CHRDL2: variants seen among roughly 807,000 people sequenced by gnomAD.
CHRDL2 encodes the protein chordin-like protein 2.
A neutral mutation model predicts 54.3 loss-of-function variants in CHRDL2; 41 were observed. That is an observed-to-expected ratio of 0.76 (90% CI 0.59 to 0.98). The LOEUF (loss-of-function observed/expected upper bound fraction) is 0.98. CHRDL2 is among the 50% of genes least tolerant of loss of function. The pLI, the probability that CHRDL2 is intolerant of heterozygous loss-of-function variation, is 0.00. For missense variants in CHRDL2, 518 were observed against 562.4 expected (o/e 0.92, Z 0.80); for synonymous variants, 220 against 224.3 (o/e 0.98, Z 0.17).
chr11:74,719,167 A>C (rs960071174), intron 1 of CHRDL2: 2 of 201,374 alleles, frequency 9.9e-6, no homozygotes, highest in Non-Finnish European at 2.0e-5. Context: ...TAGACAAATG[A>C]GGCCCAGAGA....
intron 9 of CHRDL2, chr11:74,698,721 A>ACACCCC (rs1491382541): frequency 8.6e-5 from 7 of 81,756 alleles, no homozygotes; most frequent in Non-Finnish European, 1.7e-4. Flanking sequence ...ACACACACAC[A>ACACCCC]CCCCACATAC....
At chr11:74,714,156 T>G (rs1468259813) in intron 2 of CHRDL2, among the ~76,000 whole-genome samples, 1 of 152,114 alleles carries the variant, frequency 6.6e-6, no homozygotes, top group Non-Finnish European at 1.5e-5. Context: ...AGGCAGTTTT[T>G]TTTTTGGCCC....
intron 9 of CHRDL2, chr11:74,701,693 T>A: frequency 1.5e-6 from 1 of 684,048 alleles, no homozygotes; most frequent in Admixed American, 2.1e-5. Flanking sequence ...TCGTTGAGGA[T>A]CAAATGAGAT....
chr11:74,711,103 T>A (rs1469592911), intron 3 of CHRDL2, 112 bp from the exon 4 acceptor site: 1 of 1,249,450 alleles, frequency 8.0e-7, no homozygotes. Flanking sequence ...CAGCTTGATA[T>A]TTAAACCAAG....
intron 2 of CHRDL2, among the ~76,000 whole-genome samples, chr11:74,717,516 T>C (rs1049031064): frequency 1.3e-5 from 2 of 152,072 alleles, no homozygotes; most frequent in African/African-American, 4.8e-5. Context: ...GGGGAGGCAG[T>C]CATGGTGGGG....
intron 1 of CHRDL2, among the ~76,000 whole-genome samples, chr11:74,725,524 A>G (rs1565159881): frequency 6.6e-6 from 1 of 152,254 alleles, no homozygotes; most frequent in Admixed American, 6.5e-5. Flanking sequence ...ATCTTCACGC[A>G]TAAGTCAAAA....
At chr11:74,721,930 A>G (rs890480504) in intron 1 of CHRDL2, among the ~76,000 whole-genome samples, 1 of 152,238 alleles carries the variant, frequency 6.6e-6, no homozygotes, top group African/African-American at 2.4e-5. Flanking sequence ...CCATGTTTCT[A>G]AGAACCTGTC....
intron 2 of CHRDL2, 53 bp from the exon 3 acceptor site, chr11:74,713,532 T>G: frequency 2.1e-6 from 3 of 1,440,086 alleles, no homozygotes; most frequent in Non-Finnish European, 2.9e-6. Context: ...GTCTTCCACC[T>G]GTACCTGTCC....
At chr11:74,698,505 C>T (rs2033681212) in intron 9 of CHRDL2, 1 of 152,288 alleles carries the variant, frequency 6.6e-6, no homozygotes, top group South Asian at 2.1e-4. Context: ...GTGATTGTGC[C>T]TGTTTCTAAT....
At chr11:74,700,766 G>T (rs2033781762) in intron 9 of CHRDL2, among the ~76,000 whole-genome samples, 1 of 151,562 alleles carries the variant, frequency 6.6e-6, no homozygotes, top group Non-Finnish European at 1.5e-5. Flanking sequence ...CTGAGTAGCT[G>T]GGATTACAGG....
intron 9 of CHRDL2, among the ~76,000 whole-genome samples, chr11:74,700,219 G>C (rs1565146725): frequency 6.6e-6 from 1 of 152,202 alleles, no homozygotes; most frequent in Admixed American, 6.5e-5. Flanking sequence ...TTCTTAAGAG[G>C]ATTAAATGAG....
In CHRDL2 at chr11:74,704,553, G is replaced by A. The variant is rs1171981358; in HGVS notation, c.684C>T (p.Arg228=). Residue 228 remains arginine, a synonymous_variant, in exon 7 of 11, where the codon CGC becomes CGT. Coordinates refer to ENST00000376332, the MANE Select transcript of CHRDL2 (RefSeq NM_001278473.3). Reference sequence around the variant, plus strand: ...TGCCTGCTCCCTTGGGTCTGAAGTGGCGAGGGATGAAGCTCAGAGGGGCGC... The same window carrying A: ...TGCCTGCTCCCTTGGGTCTGAAGTGACGAGGGATGAAGCTCAGAGGGGCGC... ...GLSAPLSFIP[R]HFRPKGAGST... The A allele has an allele frequency of 6.3e-7, 1 of 1,582,648 alleles. No individual in the cohort carries two copies. Among genetic ancestry groups the A allele is most frequent in the Non-Finnish European group, 8.6e-7 (1 of 1,167,892 alleles).
intron 4 of CHRDL2, among the ~76,000 whole-genome samples, chr11:74,709,338 C>A (rs1237283977): frequency 1.3e-5 from 2 of 152,168 alleles, no homozygotes; most frequent in Admixed American, 1.3e-4. Context: ...GGCTTTGGAG[C>A]CAGGTGGCCT....
chr11:74,704,232 C>G (rs1471469489), intron 7 of CHRDL2, among the ~76,000 whole-genome samples: 1 of 152,210 alleles, frequency 6.6e-6, no homozygotes, highest in Non-Finnish European at 1.5e-5. Context: ...AAATCTTGTA[C>G]TGTTCCAGAA....
chr11:74,717,155 G>C (rs370667976), intron 2 of CHRDL2, among the ~76,000 whole-genome samples: 10 of 152,142 alleles, frequency 6.6e-5, no homozygotes, highest in African/African-American at 1.2e-4. Context: ...ATGGATTTAG[G>C]GGGGGAAACA....
intron 1 of CHRDL2, among the ~76,000 whole-genome samples, chr11:74,721,756 C>T (rs1369639429): frequency 1.3e-5 from 2 of 152,248 alleles, no homozygotes; most frequent in Non-Finnish European, 2.9e-5. Flanking sequence ...CATTCAGAGA[C>T]TCATCCTCCT....
chr11:74,711,863 G>A (rs1281690192), intron 3 of CHRDL2, among the ~76,000 whole-genome samples: 1 of 151,314 alleles, frequency 6.6e-6, no homozygotes, highest in East Asian at 1.9e-4. Context: ...AGGCTGGAGT[G>A]CAGTGGCACG....
chr11:74,729,760 G>A (rs1009733147), intron 1 of CHRDL2, among the ~76,000 whole-genome samples: 11 of 152,198 alleles, frequency 7.2e-5, no homozygotes, highest in South Asian at 2.1e-4. Flanking sequence ...GAAACCCACT[G>A]CTTGAATGAA....
intron 6 of CHRDL2, among the ~76,000 whole-genome samples, chr11:74,705,604 C>T (rs575375724): frequency 1.8e-4 from 27 of 152,358 alleles, no homozygotes; most frequent in Admixed American, 9.1e-4. Flanking sequence ...ATGCTTGCTC[C>T]AGTCACCCAG....
Sources: allele counts gnomAD v4.1 joint callset (sites outside exome capture counted in the v4.1 genomes callset), GRCh38; gene constraint gnomAD v4.1.1; transcripts MANE v1.5; gene names NCBI Gene and HGNC (gene_info 2026-07-23, HGNC 2026-07-21).